The following TRPM7 variants were observed in gnomAD, a reference collection of about 807,000 sequenced individuals.
The protein encoded by TRPM7 is LTRPC ion channel family member 7.
A neutral mutation model predicts 229.7 loss-of-function variants in TRPM7; 134 were observed. The observed-to-expected ratio is 0.58, with a 90% confidence interval of 0.51 to 0.67. TRPM7 has a LOEUF of 0.67. Among genes scored for constraint, TRPM7 ranks in the 30% least tolerant of loss-of-function variants. The pLI is 0.00. For missense variants in TRPM7, 1,901 were observed against 2,210.0 expected (o/e 0.86, Z 2.80); for synonymous variants, 699 against 715.2 (o/e 0.98, Z 0.36).
At chr15:50,614,304 T>C (rs1227577745) in intron 13 of TRPM7, 41 bp from the exon 14 acceptor site, 1 of 1,527,874 alleles carries the variant, frequency 6.5e-7, no homozygotes, top group Non-Finnish European at 8.8e-7. Flanking sequence ...CAGATAGCAC[T>C]TCTCAATATT....
chr15:50,586,280 C>A, intron 28 of TRPM7, 112 bp downstream of exon 28: 4 of 615,120 alleles, frequency 6.5e-6, no homozygotes, highest in Non-Finnish European at 1.1e-5. Flanking sequence ...TCAGAATTTT[C>A]GTCTTCTGAC....
At chr15:50,585,987 G>C (rs147525229) in intron 28 of TRPM7, among the ~76,000 whole-genome samples, 78 of 148,748 alleles carry the variant, frequency 5.2e-4, no homozygotes, top group African/African-American at 1.8e-3. Context: ...TGTGGGAACA[G>C]AGTGAGAGAG....
intron 1 of TRPM7, among the ~76,000 whole-genome samples, chr15:50,678,247 AAAAAC>A (rs1211163838): frequency 1.2e-4 from 15 of 126,448 alleles, no homozygotes; most frequent in African/African-American, 4.1e-4. Flanking sequence ...CTCAAAAAAA[AAAAAC>A]AAAAACAAAA....
Position 50,592,260 on chromosome 15 carries a change from G to A in TRPM7, c.3975C>T (p.Pro1325=), listed in dbSNP as rs367679811. The part of the protein sequence containing the change: ...CNILMKDDKD[P]QCNIFGQDLP... ...AGTCTTGACCAAATATATTACACTG[G>A]GGATCTTTGTCATCTTTCATTAAAA... Residue 1325 remains proline (P), a synonymous_variant, in exon 26 of 39, where the codon CCC becomes CCT. Coordinates refer to ENST00000646667, the MANE Select transcript of TRPM7 (RefSeq NM_017672.6). 4 of 1,613,758 alleles carry A rather than the reference G, an allele frequency of 2.5e-6. No homozygotes were observed. Among genetic ancestry groups the A allele is most frequent in the African/African-American group, 2.7e-5 (2 of 74,936 alleles).
At chr15:50,686,486 C>T (rs1179930585) in intron 1 of TRPM7, 45 bp downstream of exon 1, 3 of 1,614,128 alleles carry the variant, frequency 1.9e-6, no homozygotes, top group Non-Finnish European at 8.5e-7. Context: ...TTACCGCCCG[C>T]AACCCCAGAA....
chr15:50,574,167 T>A lies in TRPM7; in HGVS notation c.5308+107A>T. 3.4e-6 allele frequency: 3 copies of A among 884,326 alleles called. No homozygotes were observed. In the South Asian group the frequency reaches 5.0e-5, roughly 15 times the overall value. 54.8% of individuals were successfully genotyped at this position (884,326 alleles called of 1,614,324 possible). ...TTAACTTGCTTTTTTATAGCTTCTA[T>A]TGGCCTAAGATTTTATTTATCTATA... On this transcript the variant is annotated intron_variant, in intron 36 of 38. Transcript: ENST00000646667.
chr15:50,660,837 A>C (rs1017708360), intron 2 of TRPM7, among the ~76,000 whole-genome samples: 7 of 152,238 alleles, frequency 4.6e-5, no homozygotes, highest in Non-Finnish European at 7.3e-5. Context: ...TTAAATATAA[A>C]AAAGGTTTTA....
chr15:50,686,271 A>G (rs1433499436), intron 1 of TRPM7, among the ~76,000 whole-genome samples: 2 of 152,190 alleles, frequency 1.3e-5, no homozygotes, highest in East Asian at 3.9e-4. Context: ...CCGCCTGGAG[A>G]GGCCCTCGCT....
intron 26 of TRPM7, 102 bp downstream of exon 26, chr15:50,591,809 A>G: frequency 1.2e-6 from 1 of 859,406 alleles, no homozygotes; most frequent in South Asian, 2.8e-5. Flanking sequence ...TTATAATTAT[A>G]CTCTATGAAA....
At chr15:50,652,669 C>T (rs1309948447) in intron 3 of TRPM7, among the ~76,000 whole-genome samples, 2 of 151,690 alleles carry the variant, frequency 1.3e-5, no homozygotes, top group Admixed American at 6.6e-5. Flanking sequence ...TAAGTGGGTA[C>T]ATTTCCCAAT....
intron 31 of TRPM7, among the ~76,000 whole-genome samples, chr15:50,577,287 C>T (rs1046671648): frequency 1.3e-5 from 2 of 152,008 alleles, no homozygotes; most frequent in South Asian, 2.1e-4. Flanking sequence ...CGGTGGCTCT[C>T]GCCTGTAATC....
At position 50,605,089 on chromosome 15, in the gene TRPM7, T is replaced by C. The variant is rs1265033180; in HGVS notation, c.2765A>G (p.Asp922Gly). 1 of 1,612,920 alleles carries C rather than the reference T, an allele frequency of 6.2e-7. No individual in the cohort carries two copies. Among genetic ancestry groups the C allele is most frequent in the Non-Finnish European group, 8.5e-7 (1 of 1,179,564 alleles). Residue 922 changes from aspartate to glycine, a missense_variant, in exon 21 of 39, where the codon GAT becomes GGT. Physicochemically the swap from Asp to Gly is moderately conservative, Grantham distance 94. Around this residue, in one of 8 missense-constraint regions of TRPM7, gnomAD observed 207 missense variants for 241.5 expected, o/e 0.86. Coordinates refer to ENST00000646667, the MANE Select transcript of TRPM7 (RefSeq NM_017672.6). ...AATTGTATCACTGATGTTGAAGTAA[T>C]CACTAAACCATACTTTAATCTTCTG... ...VNQKIKVWFS[D>G]YFNISDTIAI...
chr15:50,637,826 T>C (rs557375683), intron 6 of TRPM7, among the ~76,000 whole-genome samples: 1 of 152,344 alleles, frequency 6.6e-6, no homozygotes, highest in African/African-American at 2.4e-5. Context: ...TGCAGAATTA[T>C]ATATTTCATC....
intron 1 of TRPM7, 115 bp downstream of exon 1, chr15:50,686,416 C>T (rs535482190): frequency 4.5e-6 from 7 of 1,559,594 alleles, no homozygotes; most frequent in Admixed American, 1.7e-5. Context: ...CAAGGCAATT[C>T]GAGGGTCCTT....
chr15:50,596,109 TCTC>T (rs1178521613), intron 23 of TRPM7, 143 bp downstream of exon 23: 2 of 405,538 alleles, frequency 4.9e-6, no homozygotes, highest in African/African-American at 4.2e-5. Flanking sequence ...AGAAAAAGCA[TCTC>T]CTATTTGTAA....
intron 31 of TRPM7, among the ~76,000 whole-genome samples, chr15:50,578,088 C>CA (rs2054223410): frequency 6.6e-6 from 1 of 152,164 alleles, no homozygotes; most frequent in East Asian, 1.9e-4. Context: ...GAAGTAGAAA[C>CA]AAAGGAATGG....
intron 4 of TRPM7, among the ~76,000 whole-genome samples, chr15:50,647,139 T>C (rs145411838): frequency 2.0e-5 from 3 of 152,282 alleles, no homozygotes; most frequent in African/African-American, 7.2e-5. Context: ...ATAGTATTCT[T>C]TTTCTTTTTT....
chr15:50,578,842 A>C (rs1394738488), intron 30 of TRPM7, among the ~76,000 whole-genome samples, 178 bp from the exon 31 acceptor site: 2 of 150,616 alleles, frequency 1.3e-5, no homozygotes, highest in South Asian at 4.2e-4. Flanking sequence ...ATATATAGAT[A>C]TATATATCTA....
chr15:50,637,847 A>G (rs1159967026), intron 6 of TRPM7, among the ~76,000 whole-genome samples: 2 of 152,250 alleles, frequency 1.3e-5, no homozygotes, highest in East Asian at 1.9e-4. Flanking sequence ...ATCACATGCA[A>G]AGAGAGAAGC....
Sources: allele counts gnomAD v4.1 joint callset (sites outside exome capture counted in the v4.1 genomes callset), GRCh38; gene constraint gnomAD v4.1.1; regional missense constraint gnomAD v4.1.1; transcripts MANE v1.5; gene names NCBI Gene and HGNC (gene_info 2026-07-23, HGNC 2026-07-21).